The following DPP10 variants were observed in gnomAD, a reference collection of about 807,000 sequenced individuals.
The protein encoded by DPP10 is dipeptidyl peptidase like 10, also known as inactive dipeptidyl peptidase 10.
Under a neutral mutation model 120.9 loss-of-function variants are expected in DPP10, and 33 were observed. The ratio of observed to expected loss-of-function variants is 0.27; its 90% CI spans 0.21 to 0.37. DPP10 has a LOEUF of 0.37. Among genes scored for constraint, DPP10 ranks in the 10% least tolerant of loss-of-function variants. The probability of loss-of-function intolerance (pLI) is 1.00; values close to 1 mark genes in which losing one functional copy is unlikely to be tolerated. For synonymous variants in DPP10, 337 were observed against 326.1 expected, an observed-to-expected ratio of 1.03 and a Z score of -0.36; for missense variants, 816 against 942.8, an observed-to-expected ratio of 0.87 and a Z score of 1.76.
At chr2:114,521,267 C>CACAA (rs1380546003) in intron 1 of DPP10, among the ~76,000 whole-genome samples, 1 of 151,512 alleles carries the variant, frequency 6.6e-6, no homozygotes, top group Non-Finnish European at 1.5e-5. Flanking sequence ...CACACACACA[C>CACAA]ACACACACAC....
At chr2:115,418,754 C>T (rs2069663039) in intron 3 of DPP10, among the ~76,000 whole-genome samples, 1 of 144,958 alleles carries the variant, frequency 6.9e-6, no homozygotes, top group South Asian at 2.3e-4. Context: ...GCCTGGGTGA[C>T]AGAGTGAGAT....
chr2:115,350,941 A>C (rs748039045), intron 3 of DPP10, among the ~76,000 whole-genome samples: 12 of 152,126 alleles, frequency 7.9e-5, no homozygotes, highest in Non-Finnish European at 1.8e-4. Flanking sequence ...AAATTAGTTC[A>C]GCCACTATGG....
At chr2:115,800,650 A>G (rs1685105176) in intron 19 of DPP10, among the ~76,000 whole-genome samples, 1 of 152,192 alleles carries the variant, frequency 6.6e-6, no homozygotes, top group African/African-American at 2.4e-5. Context: ...AGCTTTCTAC[A>G]TATGGCTAGC....
chr2:115,571,717 A>C (rs201986051), intron 5 of DPP10, among the ~76,000 whole-genome samples: 1 of 150 alleles, frequency 6.7e-3, no homozygotes, highest in South Asian at 0.25. Context: ...CTGATTTTAG[A>C]AAAAAATATG....
intron 1 of DPP10, among the ~76,000 whole-genome samples, chr2:114,803,214 C>A (rs1020824226): frequency 5.3e-5 from 8 of 152,178 alleles, no homozygotes; most frequent in African/African-American, 1.9e-4. Context: ...GTGCCTTTCA[C>A]CTACCACCAT....
At chr2:115,019,921 C>A (rs1223421624) in intron 1 of DPP10, among the ~76,000 whole-genome samples, 1 of 152,176 alleles carries the variant, frequency 6.6e-6, no homozygotes, top group Non-Finnish European at 1.5e-5. Context: ...AACTAAACTT[C>A]ATAAATGAAG....
chr2:115,189,755 C>G (rs997975860), intron 1 of DPP10, among the ~76,000 whole-genome samples: 1 of 152,128 alleles, frequency 6.6e-6, no homozygotes, highest in Non-Finnish European at 1.5e-5. Flanking sequence ...CTCTATGAGT[C>G]TGCGCCCCAG....
At chr2:115,178,883 C>T (rs2053885846) in intron 1 of DPP10, among the ~76,000 whole-genome samples, 1 of 152,162 alleles carries the variant, frequency 6.6e-6, no homozygotes, top group South Asian at 2.1e-4. Context: ...TTGAAACTAT[C>T]ATAAGTTCCT....
intron 1 of DPP10, among the ~76,000 whole-genome samples, chr2:114,477,758 T>C (rs1010798315): frequency 9.3e-5 from 14 of 151,188 alleles, no homozygotes; most frequent in African/African-American, 2.7e-4. Flanking sequence ...CATAAACATG[T>C]ATGGGTATAT....
At chr2:115,351,616 G>A (rs1219809758) in intron 3 of DPP10, among the ~76,000 whole-genome samples, 1 of 152,024 alleles carries the variant, frequency 6.6e-6, no homozygotes, top group African/African-American at 2.4e-5. Flanking sequence ...ACAGACCAGA[G>A]ACTTGTAAAT....
At chr2:114,915,632 T>C (rs899239098) in intron 1 of DPP10, among the ~76,000 whole-genome samples, 13 of 152,106 alleles carry the variant, frequency 8.5e-5, no homozygotes, top group African/African-American at 3.1e-4. Flanking sequence ...ATGGAAATCA[T>C]ACAAAGACAC....
intron 1 of DPP10, among the ~76,000 whole-genome samples, chr2:114,925,910 C>A (rs577036514): frequency 6.6e-6 from 1 of 152,308 alleles, no homozygotes; most frequent in South Asian, 2.1e-4. Flanking sequence ...GACAGTCTGA[C>A]AAGCTTTCCT....
In DPP10 at chr2:115,183,064, C is replaced by T. The variant is rs1219737257; in HGVS notation, c.61-126175C>T. 3.9e-5 allele frequency among the ~76,000 whole-genome samples: 6 copies of T among 152,130 alleles called. No individual in the cohort carries two copies. In the South Asian group the frequency reaches 8.3e-4, roughly 21 times the overall value. ...ATGCGCACACATGCACACAGAGGCACGCACATTAACTAAGGGAAAATTTTT... is the reference window on the plus strand; with the variant it reads ...ATGCGCACACATGCACACAGAGGCATGCACATTAACTAAGGGAAAATTTTT... On this transcript the variant is annotated intron_variant, in intron 1 of 25. Coordinates refer to ENST00000410059, the MANE Select transcript of DPP10 (RefSeq NM_020868.6).
At chr2:114,449,264 C>A (rs1199782892) in intron 1 of DPP10, among the ~76,000 whole-genome samples, 1 of 152,066 alleles carries the variant, frequency 6.6e-6, no homozygotes, top group Admixed American at 6.6e-5. Context: ...TAGATATGTG[C>A]CAGGTTGGTA....
At chr2:114,695,307 C>A (rs372700771) in intron 1 of DPP10, among the ~76,000 whole-genome samples, 1 of 152,002 alleles carries the variant, frequency 6.6e-6, no homozygotes, top group East Asian at 1.9e-4. Context: ...GTTGTAATAA[C>A]CACATCTCAG....
intron 1 of DPP10, among the ~76,000 whole-genome samples, chr2:115,038,188 A>G (rs564503244): frequency 3.5e-4 from 54 of 152,290 alleles, no homozygotes; most frequent in African/African-American, 1.1e-3. Flanking sequence ...ACCACAAGTC[A>G]GAGTTAGCAC....
At chr2:114,970,479 G>T (rs1047000407) in intron 1 of DPP10, among the ~76,000 whole-genome samples, 2 of 152,094 alleles carry the variant, frequency 1.3e-5, no homozygotes, top group African/African-American at 4.8e-5. Flanking sequence ...ATGATAGGTT[G>T]TTTGCCACAT....
At chr2:115,132,668 A>G (rs2050420636) in intron 1 of DPP10, among the ~76,000 whole-genome samples, 1 of 152,088 alleles carries the variant, frequency 6.6e-6, no homozygotes, top group African/African-American at 2.4e-5. Context: ...AGGTGTGTCC[A>G]ACCTCCCTTC....
intron 15 of DPP10, among the ~76,000 whole-genome samples, chr2:115,779,435 G>A (rs1682491681): frequency 6.6e-6 from 1 of 151,956 alleles, no homozygotes; most frequent in African/African-American, 2.4e-5. Flanking sequence ...TTAATATATG[G>A]CACTAGGCAC....
Sources: allele counts gnomAD v4.1 joint callset (sites outside exome capture counted in the v4.1 genomes callset), GRCh38; gene constraint gnomAD v4.1.1; transcripts MANE v1.5; gene names NCBI Gene and HGNC (gene_info 2026-07-23, HGNC 2026-07-21).